The following PER3 variants were observed in gnomAD, a reference collection of about 807,000 sequenced individuals.
PER3 encodes the protein period circadian protein homolog 3.
A neutral mutation model predicts 127.2 loss-of-function variants in PER3; 107 were observed. That is an observed-to-expected ratio of 0.84 (90% CI 0.72 to 0.99). The LOEUF (loss-of-function observed/expected upper bound fraction) is 0.99, where lower values mean the gene tolerates loss of function less well. Ranked by LOEUF, PER3 falls within the 50% of genes least tolerant of loss-of-function variation. The pLI is 0.00. For synonymous variants in PER3, 618 were observed against 585.8 expected, an observed-to-expected ratio of 1.05 and a Z score of -0.79; for missense variants, 1,560 against 1,525.8, an observed-to-expected ratio of 1.02 and a Z score of -0.37.
intron 13 of PER3, among the ~76,000 whole-genome samples, chr1:7,818,519 C>G (rs1034506583): frequency 4.0e-4 from 61 of 152,154 alleles, no homozygotes; most frequent in African/African-American, 1.3e-3. Context: ...GCTGTGAGGC[C>G]AAACCTTGCA....
chr1:7,785,506 A>G lies in PER3; in HGVS notation c.194A>G (p.Tyr65Cys), dbSNP rs2097083191. The change falls in exon 3 of 22, where the codon TAC (tyrosine) becomes TGC (cysteine). Residue 65 changes from tyrosine (Y) to cysteine (C), a missense_variant. Physicochemically the swap from Tyr to Cys is radical, Grantham distance 194. Coordinates refer to ENST00000377532, the MANE Select transcript of PER3 (RefSeq NM_001377275.1). Reference sequence around the variant, plus strand: ...ATGGTTGTCCAAGAAATGAAAAAATACTTCCCCTCGGAGAGACGCAATAAA... The same window carrying G: ...ATGGTTGTCCAAGAAATGAAAAAATGCTTCCCCTCGGAGAGACGCAATAAA... Reference protein sequence around the residue: ...LIMVVQEMKKYFPSERRNKPS... With the variant: ...LIMVVQEMKKCFPSERRNKPS... The G allele has an allele frequency of 1.2e-6, 2 of 1,611,570 alleles. No individual in the cohort carries two copies. Among genetic ancestry groups the G allele is most frequent in the African/African-American group, 1.3e-5 (1 of 74,972 alleles).
At chr1:7,793,661 T>C (rs2097131817) in intron 5 of PER3, among the ~76,000 whole-genome samples, 1 of 152,132 alleles carries the variant, frequency 6.6e-6, no homozygotes, top group African/African-American at 2.4e-5. Flanking sequence ...ACATTGACCT[T>C]TGAGATGATG....
chr1:7,813,201 GA>G (rs1199113928), intron 13 of PER3, among the ~76,000 whole-genome samples: 4 of 152,152 alleles, frequency 2.6e-5, no homozygotes, highest in Non-Finnish European at 5.9e-5. Context: ...GGAAATCTGG[GA>G]AAAGTAAGTG....
At chr1:7,807,195 G>A (rs60450998) in intron 10 of PER3, among the ~76,000 whole-genome samples, 7,408 of 152,142 alleles carry the variant, frequency 0.049, 633 homozygotes, top group East Asian at 0.27. Context: ...TACATAAAAC[G>A]TATAGTGTGT....
chr1:7,827,867 A>G, intron 18 of PER3, 52 bp downstream of exon 18: 1 of 1,426,870 alleles, frequency 7.0e-7, no homozygotes, highest in Non-Finnish European at 9.7e-7. Context: ...TATCTTACTA[A>G]AGTTAAGGTG....
rs1484594243 is a variant in PER3, at chr1:7,826,352, TGAA to T, written c.1958-125_1958-123del. On this transcript the variant is annotated intron_variant, in intron 16 of 21. Transcript: ENST00000377532. The surrounding 1 kb of genome is among the most constrained non-coding windows in gnomAD (Gnocchi z 4.2). ...ATGAAGAATTTCTGTGCTAGGCTAA[TGAA>T]GATTTTTCGTATTCCAGCAGTTATA... is the stretch of plus-strand genomic sequence containing the variant. 4.8e-6 allele frequency: 3 copies of T among 629,414 alleles called. No homozygotes were observed. Among genetic ancestry groups the T allele is most frequent in the Non-Finnish European group, 8.6e-6 (3 of 350,598 alleles). The allele number at this position is 629,414 out of a possible 1,614,324, so 39.0% of individuals were successfully genotyped here. A position where few individuals can be genotyped will look rare whatever the true frequency, so the allele number is the denominator to read the frequency against.
At chr1:7,785,985 G>C (rs750844639) in intron 3 of PER3, among the ~76,000 whole-genome samples, 4 of 152,172 alleles carry the variant, frequency 2.6e-5, no homozygotes, top group East Asian at 1.9e-4. Context: ...GGCTGGGCGC[G>C]GTGCCTCACG....
intron 5 of PER3, among the ~76,000 whole-genome samples, chr1:7,789,108 TTCTTTG>T (rs2097106247): frequency 6.7e-6 from 1 of 149,194 alleles, no homozygotes; most frequent in South Asian, 2.1e-4. Flanking sequence ...TTATTTTATA[TTCTTTG>T]TGAAGTGTCT....
At chr1:7,838,158 A>G (rs553089791) in intron 21 of PER3, among the ~76,000 whole-genome samples, 110 of 152,236 alleles carry the variant, frequency 7.2e-4, no homozygotes, top group African/African-American at 1.9e-3. Context: ...AGACAATGAA[A>G]TCCTACTACC....
rs71567315 is a variant in PER3 at position 7,796,319 on chromosome 1, C to CTTTTTTTTTTTT, written c.645-2200_645-2189dup. Among the ~76,000 whole-genome samples the CTTTTTTTTTTTT allele has an allele frequency of 7.5e-4, 82 of 109,806 alleles. 6 individuals carry two copies. The highest frequency in any genetic ancestry group is 1.1e-3 in the Non-Finnish European group (61 of 55,450). 72.0% of individuals were successfully genotyped at this position (109,806 alleles called of 152,430 possible). A position where few individuals can be genotyped will look rare whatever the true frequency, so the allele number is the denominator to read the frequency against. On this transcript the variant is annotated intron_variant, in intron 6 of 21. Coordinates refer to ENST00000377532, the MANE Select transcript of PER3 (RefSeq NM_001377275.1). The stretch of plus-strand genomic sequence containing the variant: ...GGTAGGAAACGTTCATTTCAGTTTC[C>CTTTTTTTTTTTT]TTTTTTTTTTTTTTTTTGAGACAGG...
chr1:7,799,610 CAAAAAA>C (rs759699006), intron 7 of PER3, among the ~76,000 whole-genome samples: 952 of 93,252 alleles, frequency 0.01, 9 homozygotes, highest in African/African-American at 0.037. Flanking sequence ...AACTCTGTCT[CAAAAAA>C]AAAAAAAAAA....
At chr1:7,830,227 C>A in intron 19 of PER3, 66 bp downstream of exon 19, 3 of 1,383,060 alleles carry the variant, frequency 2.2e-6, no homozygotes, top group Non-Finnish European at 3.0e-6. Context: ...GCTGAGCTCT[C>A]ACTGTGTGCC....
intron 7 of PER3, among the ~76,000 whole-genome samples, chr1:7,799,255 G>A (rs1018464566): frequency 2.4e-4 from 37 of 152,082 alleles, no homozygotes; most frequent in Non-Finnish European, 4.1e-4. Context: ...ATGGGTTTAG[G>A]AGCACAAAAC....
In PER3 at chr1:7,803,995, G is replaced by A. The variant is rs146751178; in HGVS notation, c.1136+147G>A. ...GGTGCTTTGGGGAGACAGTTTGACA[G>A]TGTGTACCGTGAGCCTTAAAAGAAG... On this transcript the variant is annotated intron_variant, in intron 10 of 21. Coordinates refer to ENST00000377532, the MANE Select transcript of PER3 (RefSeq NM_001377275.1). The A allele has an allele frequency of 1.7e-3, 1,014 of 612,574 alleles. 12 individuals carry two copies. In the African/African-American group the frequency reaches 0.017, roughly 10 times the overall value. 37.9% of individuals were successfully genotyped at this position (612,574 alleles called of 1,614,324 possible). A position where few individuals can be genotyped will look rare whatever the true frequency, so the allele number is the denominator to read the frequency against.
intron 14 of PER3, 108 bp downstream of exon 14, chr1:7,819,528 C>G (rs2151017295): frequency 1.0e-6 from 1 of 985,156 alleles, no homozygotes; most frequent in Middle Eastern, 2.6e-4. Flanking sequence ...TGGTTTTTCA[C>G]TATAAATCAG....
At chr1:7,806,795 T>TAAAAAAAAAAAAA (rs71567316) in intron 10 of PER3, among the ~76,000 whole-genome samples, 32 of 91,864 alleles carry the variant, frequency 3.5e-4, no homozygotes, top group East Asian at 5.4e-4. Context: ...CCCTGTCTCT[T>TAAAAAAAAAAAAA]AAAAAAAAAA....
Position 7,826,638 on chromosome 1 carries a change from A to T in PER3, c.2116A>T (p.Ile706Phe). 1.2e-6 allele frequency: 2 copies of T among 1,613,810 alleles called. No homozygotes were observed. The highest frequency in any genetic ancestry group is 1.7e-6 in the Non-Finnish European group (2 of 1,179,712). Reference protein sequence around the residue: ...QNYVDKFREKILSSPYSSYLQ... With the variant: ...QNYVDKFREKFLSSPYSSYLQ... ...TTATGTTGATAAATTCCGAGAAAAG[A>T]TCCTGTCATCACCCTACAGCTCCTA... The change falls in exon 17 of 22, where the codon ATC becomes TTC. Residue 706 changes from isoleucine to phenylalanine, a missense_variant. Physicochemically the swap from Ile to Phe is conservative, Grantham distance 21. This residue lies in a region of PER3 where 1,332 missense variants were observed against 1,223.6 expected (regional missense o/e 1.09). Coordinates refer to ENST00000377532, the MANE Select transcript of PER3 (RefSeq NM_001377275.1). This position sits in a 1 kb window ranked among gnomAD's most constrained non-coding sequence, Gnocchi z 4.2.
intron 19 of PER3, among the ~76,000 whole-genome samples, chr1:7,834,326 A>G (rs1430095630): frequency 1.3e-5 from 2 of 152,178 alleles, no homozygotes; most frequent in Non-Finnish European, 2.9e-5. Flanking sequence ...GAGTACTTCC[A>G]TGTCCCCTTT....
At chr1:7,789,067 T>G (rs2097105876) in intron 5 of PER3, among the ~76,000 whole-genome samples, 1 of 151,974 alleles carries the variant, frequency 6.6e-6, no homozygotes, top group South Asian at 2.1e-4. Context: ...TCCTGTGTGA[T>G]CTTAATTTAT....
Sources: gnomAD v4.1 joint callset for allele counts (sites outside exome capture counted in the v4.1 genomes callset) on GRCh38, gnomAD v4.1.1 for gene constraint, gnomAD v4.1.1 regional missense constraint, Gnocchi (gnomAD v3.1) non-coding constraint, MANE v1.5 for transcripts, NCBI Gene and HGNC (gene_info 2026-07-23, HGNC 2026-07-21) for gene names.